The following PSD3 variants were observed in gnomAD, a reference collection of about 807,000 sequenced individuals.
The protein encoded by PSD3 is pleckstrin and Sec7 domain containing 3, also known as PH and SEC7 domain-containing protein 3.
Under a neutral mutation model 105.5 loss-of-function variants are expected in PSD3, and 49 were observed. That is an observed-to-expected ratio of 0.46 (90% CI 0.37 to 0.59). PSD3 has a LOEUF of 0.59. PSD3 is among the 20% of genes least tolerant of loss of function. PSD3 has a pLI of 0.00. For missense variants in PSD3, 1,561 were observed against 1,263.8 expected, an observed-to-expected ratio of 1.24 and a Z score of -3.57; for synonymous variants, 557 against 457.8, an observed-to-expected ratio of 1.22 and a Z score of -2.77.
intron 10 of PSD3, among the ~76,000 whole-genome samples, chr8:18,648,288 A>G (rs1257083140): frequency 1.3e-5 from 2 of 152,232 alleles, no homozygotes; most frequent in Admixed American, 1.3e-4. Flanking sequence ...TGATAGTGAT[A>G]CGGACAATAA....
At chr8:19,047,670 TATGTC>T (rs1460441664) in intron 1 of PSD3, among the ~76,000 whole-genome samples, 1 of 152,098 alleles carries the variant, frequency 6.6e-6, no homozygotes, top group Non-Finnish European at 1.5e-5. Flanking sequence ...TGCCACACCT[TATGTC>T]ATACCTGGCA....
chr8:18,597,012 C>T (rs1363182509), intron 12 of PSD3, among the ~76,000 whole-genome samples: 3 of 152,234 alleles, frequency 2.0e-5, no homozygotes, highest in Admixed American at 1.3e-4. Context: ...GAAAACAGTA[C>T]TGCAAGAAAA....
At chr8:18,834,901 G>A (rs1344051284) in intron 4 of PSD3, among the ~76,000 whole-genome samples, 1 of 152,124 alleles carries the variant, frequency 6.6e-6, no homozygotes, top group African/African-American at 2.4e-5. Context: ...TGCAACCAGA[G>A]TCTAGACCAA....
chr8:18,623,509 A>C lies in PSD3; in HGVS notation c.2410+9104T>G, dbSNP rs369547266. Among the ~76,000 whole-genome samples the C allele has an allele frequency of 3.4e-4, 51 of 150,176 alleles. 1 individual carries two copies. In the East Asian group the frequency reaches 7.3e-3, roughly 21 times the overall value. On this transcript the variant is annotated intron_variant, in intron 11 of 15. Transcript: ENST00000327040. The stretch of plus-strand genomic sequence containing the variant: ...AAAAAAATTAGCTGGGCATGGTGGT[A>C]TATGCCTGTAGTCCCAGCTATCTGG...
At chr8:18,908,910 C>T (rs1348255224) in intron 2 of PSD3, among the ~76,000 whole-genome samples, 1 of 152,148 alleles carries the variant, frequency 6.6e-6, no homozygotes, top group Non-Finnish European at 1.5e-5. Context: ...AATCTCAGTT[C>T]CCGACAAATT....
At chr8:19,068,966 C>T (rs970231530) in intron 1 of PSD3, among the ~76,000 whole-genome samples, 3 of 152,054 alleles carry the variant, frequency 2.0e-5, no homozygotes, top group African/African-American at 7.2e-5. Flanking sequence ...TGTCTTTGGG[C>T]TCCCCTCCCC....
chr8:18,566,585 G>C (rs892585064), intron 14 of PSD3, among the ~76,000 whole-genome samples: 2 of 151,040 alleles, frequency 1.3e-5, no homozygotes, highest in Non-Finnish European at 1.5e-5. Context: ...CATTTTTCTA[G>C]ATGGAAAGCT....
intron 12 of PSD3, among the ~76,000 whole-genome samples, chr8:18,579,611 G>T (rs541863261): frequency 6.6e-6 from 1 of 152,022 alleles, no homozygotes; most frequent in African/African-American, 2.4e-5. Context: ...GAAATAAAAA[G>T]CTTTTTTTCC....
chr8:18,921,773 G>T (rs1024601903), intron 2 of PSD3, among the ~76,000 whole-genome samples: 3 of 152,212 alleles, frequency 2.0e-5, no homozygotes, highest in Admixed American at 6.5e-5. Flanking sequence ...TAAGCCCAGT[G>T]TTCACGGGCT....
chr8:18,752,586 T>A (rs6992583), intron 9 of PSD3, among the ~76,000 whole-genome samples: 39 of 77,998 alleles, frequency 5.0e-4, no homozygotes, highest in African/African-American at 2.3e-3. Flanking sequence ...ATTATATATA[T>A]TATATATTAT....
chr8:18,606,239 C>G (rs1443314594), intron 11 of PSD3, among the ~76,000 whole-genome samples: 1 of 152,188 alleles, frequency 6.6e-6, no homozygotes, highest in Non-Finnish European at 1.5e-5. Context: ...CCACTTGTGA[C>G]TTATTCACTC....
chr8:18,654,778 T>C (rs540753498), intron 10 of PSD3, among the ~76,000 whole-genome samples: 25 of 152,312 alleles, frequency 1.6e-4, no homozygotes, highest in African/African-American at 6.0e-4. Context: ...AATAGCTTTA[T>C]TCAATCCATC....
rs1817459590 is a variant in PSD3, at chr8:18,872,555, C to G, written c.309G>C (p.Gly103=). Residue 103 remains glycine (G), a synonymous_variant, in exon 3 of 16, where the codon GGG becomes GGC. Coordinates refer to ENST00000327040, the MANE Select transcript of PSD3 (RefSeq NM_015310.4). Reference sequence around the variant, plus strand: ...TTGGTCCTTCTGTAACACTGTCGAGCCCAGAGTGGCAGCCAGTAAGAGGCT... The same window carrying G: ...TTGGTCCTTCTGTAACACTGTCGAGGCCAGAGTGGCAGCCAGTAAGAGGCT... ...GVQPLTGCHS[G]LDSVTEGPKD... The G allele has an allele frequency of 6.2e-7, 1 of 1,613,792 alleles. No individual in the cohort carries two copies. Among genetic ancestry groups the G allele is most frequent in the Non-Finnish European group, 8.5e-7 (1 of 1,179,912 alleles).
At chr8:18,738,824 A>G (rs1240207127) in intron 9 of PSD3, among the ~76,000 whole-genome samples, 1 of 141,170 alleles carries the variant, frequency 7.1e-6, no homozygotes, top group Admixed American at 8.1e-5. Context: ...ACCCGCTCCG[A>G]AAAAAAAAAA....
chr8:18,803,183 A>G, intron 6 of PSD3: 1 of 232,944 alleles, frequency 4.3e-6, no homozygotes, highest in Non-Finnish European at 8.7e-6. Flanking sequence ...GTTATTCGGG[A>G]GGCTGATTCA....
Position 18,655,524 on chromosome 8 carries a change from T to C in PSD3, c.2216+118A>G, listed in dbSNP as rs1434999612. The C allele has an allele frequency of 3.9e-5, 37 of 956,994 alleles. No individual in the cohort carries two copies. The East Asian group carries it at 8.7e-4, about 23-fold the overall frequency. The allele number at this position is 956,994 out of a possible 1,614,324, so 59.3% of individuals were successfully genotyped here. On this transcript the variant is annotated intron_variant, in intron 10 of 15. Coordinates refer to ENST00000327040, the MANE Select transcript of PSD3 (RefSeq NM_015310.4). ...CACAAAGTAGGTAAGACACTTGGTG[T>C]AAAATGAGAATTGGCAATGCATATT...
intron 1 of PSD3, among the ~76,000 whole-genome samples, chr8:18,960,019 T>C (rs2129471070): frequency 6.6e-6 from 1 of 152,312 alleles, no homozygotes; most frequent in South Asian, 2.1e-4. Context: ...TGAAAAATCA[T>C]TCCATCCCCA....
intron 4 of PSD3, among the ~76,000 whole-genome samples, chr8:18,818,805 C>T (rs1432493866): frequency 6.6e-6 from 1 of 152,028 alleles, no homozygotes; most frequent in Non-Finnish European, 1.5e-5. Flanking sequence ...CATTTATAAT[C>T]TTATATTAGT....
intron 9 of PSD3, among the ~76,000 whole-genome samples, chr8:18,710,483 A>C (rs978346960): frequency 1.3e-5 from 2 of 152,162 alleles, no homozygotes; most frequent in African/African-American, 4.8e-5. Flanking sequence ...CACATTGAGG[A>C]AACCCAGAGA....
Sources: allele counts gnomAD v4.1 joint callset (sites outside exome capture counted in the v4.1 genomes callset), GRCh38; gene constraint gnomAD v4.1.1; transcripts MANE v1.5; gene names NCBI Gene and HGNC (gene_info 2026-07-23, HGNC 2026-07-21).